IL13RA1: variants seen among roughly 807,000 people sequenced by gnomAD.
The protein encoded by IL13RA1 is interleukin-13 receptor subunit alpha-1.
A neutral mutation model predicts 33.8 loss-of-function variants in IL13RA1; 14 were observed. The observed-to-expected ratio is 0.41, with a 90% CI of 0.27 to 0.65. The LOEUF (loss-of-function observed/expected upper bound fraction) is 0.65. Among genes scored for constraint, IL13RA1 ranks in the 30% least tolerant of loss-of-function variants. IL13RA1 has a pLI of 0.28. For synonymous variants in IL13RA1, 116 were observed against 115.7 expected (o/e 1.00, Z -0.02); for missense variants, 313 against 327.0 (o/e 0.96, Z 0.33).
At chrX:118,799,333 G>A (rs1295227909), downstream of IL13RA1, among the ~76,000 whole-genome samples, 1 of 113,301 alleles carries the variant, frequency 8.8e-6, no homozygotes, top group Non-Finnish European at 1.9e-5. Context: ...CAAGGGCTGA[G>A]GAATGCGAGC....
chrX:118,728,045 G>A (rs903249930), intron 1 of IL13RA1, among the ~76,000 whole-genome samples: 7 of 111,860 alleles, frequency 6.3e-5, no homozygotes, highest in African/African-American at 2.3e-4. Flanking sequence ...GCGTCCAGGC[G>A]TGCGGGGGCG....
chrX:118,731,164 G>A (rs1052800769), intron 1 of IL13RA1, among the ~76,000 whole-genome samples: 1 of 112,001 alleles, frequency 8.9e-6, no homozygotes, highest in Non-Finnish European at 1.9e-5. Flanking sequence ...CTTTTCTGAA[G>A]TCAGTGGTGC....
intron 1 of IL13RA1, among the ~76,000 whole-genome samples, chrX:118,733,991 G>A (rs1312001071): frequency 8.9e-6 from 1 of 111,737 alleles, no homozygotes; most frequent in Non-Finnish European, 1.9e-5. Flanking sequence ...CTTTATGCCA[G>A]TACACACTGT....
chrX:118,795,227 A>AAAAAAAAG (rs200347606), downstream of IL13RA1, among the ~76,000 whole-genome samples: 36 of 94,997 alleles, frequency 3.8e-4, 3 homozygotes, highest in African/African-American at 1.2e-3. Flanking sequence ...AAAAAAAAAA[A>AAAAAAAAG]AAAGAAAAAG....
At chrX:118,775,764 A>G (rs1020435087) in intron 9 of IL13RA1, among the ~76,000 whole-genome samples, 26 of 111,087 alleles carry the variant, frequency 2.3e-4, no homozygotes, top group African/African-American at 7.2e-4. Flanking sequence ...GGTTTGAGGG[A>G]AAGATAAGGA....
At chrX:118,786,397 A>G (rs887021481) in intron 10 of IL13RA1, among the ~76,000 whole-genome samples, 1 of 110,883 alleles carries the variant, frequency 9.0e-6, no homozygotes, top group Non-Finnish European at 1.9e-5. Flanking sequence ...TCTCAAAAAA[A>G]AAAAAAATTA....
At chrX:118,784,128 T>TAC (rs1491144478) in intron 10 of IL13RA1, among the ~76,000 whole-genome samples, 20 of 26,286 alleles carry the variant, frequency 7.6e-4, no homozygotes, top group African/African-American at 2.5e-3. Context: ...TGTATATATA[T>TAC]GTATATATAT....
At chrX:118,730,636 C>T in intron 1 of IL13RA1, among the ~76,000 whole-genome samples, 1 of 111,373 alleles carries the variant, frequency 9.0e-6, no homozygotes, top group Non-Finnish European at 1.9e-5. Flanking sequence ...GCTCTGAGTC[C>T]GGCACAGCAT....
At chrX:118,776,984 T>C (rs1173392089) in intron 10 of IL13RA1, among the ~76,000 whole-genome samples, 1 of 35,663 alleles carries the variant, frequency 2.8e-5, no homozygotes, top group Non-Finnish European at 4.7e-5. Flanking sequence ...TATATGTGTG[T>C]ATATGTGTGT....
intron 6 of IL13RA1, among the ~76,000 whole-genome samples, chrX:118,764,020 CT>C (rs897645108): frequency 9.2e-6 from 1 of 108,994 alleles, no homozygotes; most frequent in African/African-American, 3.3e-5. Flanking sequence ...TTAGATTTTT[CT>C]TTTTTTTTCC....
At chrX:118,800,440 G>A in the IL13RA1 span, among the ~76,000 whole-genome samples, 1 of 110,201 alleles carries the variant, frequency 9.1e-6, no homozygotes, top group Non-Finnish European at 1.9e-5. Context: ...AACTCCAGAC[G>A]CGCTACCTTA....
chrX:118,771,976 AAAATT>A (rs896880862), intron 8 of IL13RA1, among the ~76,000 whole-genome samples: 1 of 112,078 alleles, frequency 8.9e-6, no homozygotes, highest in African/African-American at 3.2e-5. Flanking sequence ...CTGTCTCAAA[AAAATT>A]AAATTAAAAA....
At chrX:118,733,795 T>C in intron 1 of IL13RA1, among the ~76,000 whole-genome samples, 1 of 111,868 alleles carries the variant, frequency 8.9e-6, no homozygotes, top group South Asian at 3.7e-4. Context: ...ATTTTTTTTT[T>C]ACTTGGTATT....
chrX:118,729,628 T>C (rs1167921147), intron 1 of IL13RA1, among the ~76,000 whole-genome samples: 1 of 112,666 alleles, frequency 8.9e-6, no homozygotes, highest in Non-Finnish European at 1.9e-5. Context: ...ATGGCCCACA[T>C]TGTGGCATGT....
rs2017992579 is a variant in IL13RA1, at chrX:118,792,865, A to C, written c.*1011A>C. On this transcript the variant is annotated 3_prime_UTR_variant, in exon 11 of 11. Transcript: ENST00000371666. ...GGTAGAATGACTCCTTGGGTATTAG[A>C]GTTTCAACCATGAAGTCTCTAACAA... The C allele has an allele frequency of 9.0e-6, 1 of 111,186 alleles. No individual in the cohort carries two copies. The highest frequency in any genetic ancestry group is 3.3e-5 in the African/African-American group (1 of 30,501). 9.2% of individuals were successfully genotyped at this position (111,186 alleles called of 1,213,427 possible). A position where few individuals can be genotyped will look rare whatever the true frequency, so the allele number is the denominator to read the frequency against.
chrX:118,766,680 TC>T, intron 7 of IL13RA1, 103 bp downstream of exon 7: 1 of 599,832 alleles, frequency 1.7e-6, no homozygotes, highest in South Asian at 3.0e-5. Context: ...ATTACGTTGT[TC>T]CGTGAGTTAT....
chrX:118,761,198 A>G lies in IL13RA1; in HGVS notation c.737A>G (p.Gln246Arg), dbSNP rs1248052226. The G allele has an allele frequency of 2.0e-6, 2 of 994,815 alleles. No individual in the cohort carries two copies. Among genetic ancestry groups the G allele is most frequent in the Non-Finnish European group, 2.8e-6 (2 of 703,684 alleles). 82.0% of individuals were successfully genotyped at this position (994,815 alleles called of 1,213,427 possible). ...LSFHNDDLYV[Q>R]WENPQNFISR... is the part of the protein sequence containing the mutation. ...TTCCACAATGATGACCTATATGTGC[A>G]ATGGGAGAATCCACAGAATTTTATT... The change falls in exon 6 of 11, where the codon CAA (glutamine) becomes CGA (arginine). Residue 246 changes from glutamine to arginine, a missense_variant. By Grantham distance (43) the Gln-to-Arg change is conservative (BLOSUM62 1). Transcript: ENST00000371666.
intron 10 of IL13RA1, among the ~76,000 whole-genome samples, chrX:118,785,148 A>C (rs1321258966): frequency 3.6e-5 from 4 of 110,816 alleles, no homozygotes; most frequent in Non-Finnish European, 7.6e-5. Flanking sequence ...GCTGGGCTGG[A>C]GTATGGTGGC....
chrX:118,779,269 C>T (rs1041940997), intron 10 of IL13RA1, among the ~76,000 whole-genome samples: 1 of 111,116 alleles, frequency 9.0e-6, no homozygotes, highest in Non-Finnish European at 1.9e-5. Flanking sequence ...CTTTTAGGAA[C>T]CAATTTTGAG....
Sources: gnomAD v4.1 joint callset for allele counts (sites outside exome capture counted in the v4.1 genomes callset) on GRCh38, gnomAD v4.1.1 for gene constraint, MANE v1.5 for transcripts, NCBI Gene and HGNC (gene_info 2026-07-23, HGNC 2026-07-21) for gene names.